Variants in C8orf76 observed in about 807,000 individuals in gnomAD.
The protein encoded by C8orf76 is chromosome 8 open reading frame 76.
C8orf76 carries 46 observed loss-of-function variants against 38.1 expected under a neutral mutation model. That is an observed-to-expected ratio of 1.21 (90% confidence interval 0.95 to 1.54). C8orf76 has a LOEUF of 1.54. Ranked by LOEUF, C8orf76 falls within the 40% of genes most tolerant of loss-of-function variation. The pLI is 0.00. For synonymous variants in C8orf76, 166 were observed against 167.5 expected (o/e 0.99, Z 0.07); for missense variants, 461 against 441.6 (o/e 1.04, Z -0.39).
At chr8:123,227,472 A>G (rs560333998) in intron 4 of C8orf76, among the ~76,000 whole-genome samples, 25 of 152,208 alleles carry the variant, frequency 1.6e-4, no homozygotes, top group African/African-American at 5.8e-4. Context: ...TCAGGTAGTG[A>G]CAAGTGCTAT....
chr8:123,238,670 G>T (rs2131165241), intron 2 of C8orf76: 1 of 161,828 alleles, frequency 6.2e-6, no homozygotes, highest in East Asian at 1.8e-4. Context: ...CAGATGAAAT[G>T]AGATACATAT....
chr8:123,236,517 A>G (rs997502453), intron 3 of C8orf76, among the ~76,000 whole-genome samples: 11 of 152,350 alleles, frequency 7.2e-5, no homozygotes, highest in African/African-American at 1.2e-4. Flanking sequence ...GGCCGGGTGC[A>G]GTGGCTCACG....
chr8:123,226,194 G>A, intron 5 of C8orf76: 1 of 1,193,540 alleles, frequency 8.4e-7, no homozygotes, highest in Non-Finnish European at 1.0e-6. Context: ...ACAAATGTAA[G>A]CATTCATTCA....
Position 123,226,488 on chromosome 8 carries a change from G to A in C8orf76, c.948+12C>T. ...ATGCTTCGTTTCACATAAACCCGAG[G>A]GATACACTCACCTCAGCTATCAACA... On this transcript the variant is annotated intron_variant, in intron 5 of 5. Coordinates refer to ENST00000276704, the MANE Select transcript of C8orf76 (RefSeq NM_032847.3). 2 of 1,608,802 alleles carry A rather than the reference G, an allele frequency of 1.2e-6. No individual in the cohort carries two copies. The highest frequency in any genetic ancestry group is 1.7e-5 in the Admixed American group (1 of 58,246).
Position 123,231,696 on chromosome 8 carries a change from C to G in C8orf76, c.419G>C (p.Cys140Ser), listed in dbSNP as rs147625869. Reference sequence around the variant, plus strand: ...TTTCTCCAAGTTCTGCAAACTTGAACAAATAGCAAGCTGGAGGTAGAGTAC... The same window carrying G: ...TTTCTCCAAGTTCTGCAAACTTGAAGAAATAGCAAGCTGGAGGTAGAGTAC... ...TTVLYLQLAI[C>S]SSLQNLEKTI... The change falls in exon 4 of 6, where the codon TGT becomes TCT. Residue 140 changes from cysteine to serine, a missense_variant. Transcript: ENST00000276704. 254 of 1,613,212 alleles carry G rather than the reference C, an allele frequency of 1.6e-4. 1 individual carries two copies. The African/African-American group carries it at 2.6e-3, about 17-fold the overall frequency.
chr8:123,233,345 C>T (rs1825346518), intron 3 of C8orf76, among the ~76,000 whole-genome samples: 1 of 151,824 alleles, frequency 6.6e-6, no homozygotes, highest in Admixed American at 6.6e-5. Context: ...ATTGATAAAG[C>T]AAGTGTGTGT....
chr8:123,226,810 T>G (rs1425824708), intron 4 of C8orf76, among the ~76,000 whole-genome samples, 178 bp from the exon 5 acceptor site: 1 of 152,200 alleles, frequency 6.6e-6, no homozygotes, highest in African/African-American at 2.4e-5. Context: ...AGCTTCCGAC[T>G]TGGAATCAAT....
intron 4 of C8orf76, among the ~76,000 whole-genome samples, chr8:123,230,647 G>A (rs1825218985): frequency 6.7e-6 from 1 of 149,734 alleles, no homozygotes; most frequent in African/African-American, 2.5e-5. Flanking sequence ...CACCATGCCT[G>A]GTCAACTCTT....
At chr8:123,238,890 G>C (rs1251273498) in intron 2 of C8orf76, 159 bp downstream of exon 2, 1 of 661,998 alleles carries the variant, frequency 1.5e-6, no homozygotes, top group Admixed American at 3.0e-5. Flanking sequence ...GAGCCAAGCA[G>C]AAAAGAACGG....
At chr8:123,241,120 C>G in intron 1 of C8orf76, 110 bp downstream of exon 1, 1 of 1,119,082 alleles carries the variant, frequency 8.9e-7, no homozygotes, top group Non-Finnish European at 1.2e-6. Context: ...GGCGCTGGAG[C>G]CTGCCAGGGT....
chr8:123,230,914 C>CTGGGATTACAGGCG (rs1409260975), intron 4 of C8orf76, among the ~76,000 whole-genome samples: 2 of 152,186 alleles, frequency 1.3e-5, no homozygotes, highest in African/African-American at 4.8e-5. Context: ...TCCCAAAGTG[C>CTGGGATTACAGGCG]TGGGATTACA....
chr8:123,237,844 G>C lies in C8orf76; in HGVS notation c.311C>G (p.Ala104Gly). 1 of 1,614,046 alleles carries C rather than the reference G, an allele frequency of 6.2e-7. No individual in the cohort carries two copies. Among genetic ancestry groups the C allele is most frequent in the African/African-American group, 1.3e-5 (1 of 75,012 alleles). ...CGCCTCCATATGCCTACCCAGGTGA[G>C]CCAGACACCGAGCCTGACCTTCCTG... Reference protein sequence around the residue: ...DVQEGQARCLAHLGRHMEALE... With the variant: ...DVQEGQARCLGHLGRHMEALE... The change falls in exon 3 of 6, where the codon GCT becomes GGT. Residue 104 changes from alanine (A) to glycine (G), a missense_variant. Physicochemically the swap from Ala to Gly is moderately conservative, Grantham distance 60. Coordinates refer to ENST00000276704, the MANE Select transcript of C8orf76 (RefSeq NM_032847.3).
At position 123,220,133 on chromosome 8, in the gene C8orf76, C is replaced by T; in HGVS notation, c.1113G>A (p.Gln371=). The T allele has an allele frequency of 6.2e-7, 1 of 1,611,318 alleles. No individual in the cohort carries two copies. The change falls in exon 6 of 6, where the codon CAG becomes CAA. Residue 371 remains glutamine, a synonymous_variant. Coordinates refer to ENST00000276704, the MANE Select transcript of C8orf76 (RefSeq NM_032847.3). ...CCAAGATTTGTATCTCTGTATGGAA[C>T]TGATTTTCAAATGGACAGAAATGGT... is the stretch of plus-strand genomic sequence containing the variant. ...IKDHFCPFEN[Q]FHTEIQILA
chr8:123,236,325 C>A (rs1320664531), intron 3 of C8orf76, among the ~76,000 whole-genome samples: 2 of 152,046 alleles, frequency 1.3e-5, no homozygotes. Flanking sequence ...GAAAACTAGT[C>A]CATTTAGACT....
chr8:123,221,597 A>G (rs1824896230), intron 5 of C8orf76, among the ~76,000 whole-genome samples: 1 of 152,120 alleles, frequency 6.6e-6, no homozygotes, highest in Admixed American at 6.5e-5. Flanking sequence ...CACCATGCCC[A>G]GCTAATTTTT....
At chr8:123,222,121 T>C (rs1359225724) in intron 5 of C8orf76, among the ~76,000 whole-genome samples, 1 of 152,140 alleles carries the variant, frequency 6.6e-6, no homozygotes, top group Non-Finnish European at 1.5e-5. Flanking sequence ...CCCAAGTAGC[T>C]GGGATTACAG....
rs756729105 is a variant in C8orf76 at position 123,220,310 on chromosome 8, G to GAA, written c.949-15_949-14dup. On this transcript the variant is annotated splice_polypyrimidine_tract_variant and intron_variant, in intron 5 of 5. Coordinates refer to ENST00000276704, the MANE Select transcript of C8orf76 (RefSeq NM_032847.3). ...CTTCTCCCATAACCTATAACAGGAG[G>GAA]AAAAAAAAAAACTGTCCCAATAAAA... 369 of 1,243,064 alleles carry GAA rather than the reference G, an allele frequency of 3.0e-4. No homozygotes were observed. Among genetic ancestry groups the GAA allele is most frequent in the South Asian group, 1.0e-3 (62 of 59,818 alleles). The allele number at this position is 1,243,064 out of a possible 1,614,324, so 77.0% of individuals were successfully genotyped here.
chr8:123,231,670 T>C lies in C8orf76; in HGVS notation c.445A>G (p.Thr149Ala), dbSNP rs748318333. The C allele has an allele frequency of 1.9e-6, 3 of 1,613,944 alleles. No individual in the cohort carries two copies. The highest frequency in any genetic ancestry group is 2.5e-6 in the Non-Finnish European group (3 of 1,180,042). Residue 149 changes from threonine to alanine, a missense_variant, in exon 4 of 6, where the codon ACA (threonine) becomes GCA (alanine). By Grantham distance (58) the Thr-to-Ala change is moderately conservative. Coordinates refer to ENST00000276704, the MANE Select transcript of C8orf76 (RefSeq NM_032847.3). ...ATCAGTTTCTGCAGGCAGAAAATTG[T>C]TTTCTCCAAGTTCTGCAAACTTGAA... ...ICSSLQNLEKTIFCLQKLISL... is the reference protein window; with the variant it reads ...ICSSLQNLEKAIFCLQKLISL...
At chr8:123,226,705 A>G in intron 4 of C8orf76, 73 bp from the exon 5 acceptor site, 1 of 1,508,556 alleles carries the variant, frequency 6.6e-7, no homozygotes, top group Middle Eastern at 1.8e-4. Context: ...CCGCGAGGAA[A>G]TGTTCAGAAA....
Sources: allele counts gnomAD v4.1 joint callset (sites outside exome capture counted in the v4.1 genomes callset), GRCh38; gene constraint gnomAD v4.1.1; transcripts MANE v1.5; gene names NCBI Gene and HGNC (gene_info 2026-07-23, HGNC 2026-07-21).